Variants in CUBN observed in about 807,000 individuals in gnomAD.
CUBN encodes the protein 460 kDa receptor.
CUBN carries 282 observed loss-of-function variants against 405.3 expected under a neutral mutation model. The ratio of observed to expected loss-of-function variants is 0.70; its 90% CI spans 0.63 to 0.77. CUBN has a LOEUF of 0.77. CUBN is among the 30% of genes least tolerant of loss of function. The probability of loss-of-function intolerance (pLI) is 0.00; values close to 1 mark genes in which losing one functional copy is unlikely to be tolerated. For synonymous variants in CUBN, 1,684 were observed against 1,617.0 expected (o/e 1.04, Z -0.99); for missense variants, 4,514 against 4,475.2 (o/e 1.01, Z -0.25).
Position 16,907,679 on chromosome 10 carries a change from C to T in CUBN, c.7534G>A (p.Val2512Ile). The T allele has an allele frequency of 1.2e-6, 2 of 1,611,890 alleles. No individual in the cohort carries two copies. Among genetic ancestry groups the T allele is most frequent in the South Asian group, 1.1e-5 (1 of 90,980 alleles). ...HPSCNNEHVI[V>I]FNGIRSNSPQ... is the part of the protein sequence containing the mutation. ...GAGTTACTTCTAATGCCATTGAATACCTGTTGGAAAAAGAGTTTAACCTTC... is the reference window on the plus strand; with the variant it reads ...GAGTTACTTCTAATGCCATTGAATATCTGTTGGAAAAAGAGTTTAACCTTC... Residue 2512 changes from valine to isoleucine, a missense_variant and splice_region_variant, in exon 49 of 67, where the codon GTA becomes ATA. Val to Ile is a conservative substitution (Grantham distance 29). Coordinates refer to ENST00000377833, the MANE Select transcript of CUBN (RefSeq NM_001081.4).
At chr10:16,966,215 G>A (rs1048718965) in intron 31 of CUBN, among the ~76,000 whole-genome samples, 4 of 152,176 alleles carry the variant, frequency 2.6e-5, no homozygotes, top group African/African-American at 9.7e-5. Flanking sequence ...CATCTGTCCT[G>A]CATTCCATTC....
intron 14 of CUBN, among the ~76,000 whole-genome samples, chr10:17,094,580 A>G (rs952179251): frequency 3.5e-4 from 53 of 152,216 alleles, no homozygotes; most frequent in African/African-American, 1.2e-3. Context: ...TAAAATCAAC[A>G]TATAAAATTA....
rs943769237 is a variant in CUBN, at chr10:17,001,308, G to A, written c.4169-10793C>T. Among the ~76,000 whole-genome samples, 35 of 152,350 alleles carry A rather than the reference G, an allele frequency of 2.3e-4. 6 individuals carry two copies. The highest frequency in any genetic ancestry group is 1.4e-3 in the Admixed American group (22 of 15,302). On this transcript the variant is annotated intron_variant, in intron 28 of 66. Transcript: ENST00000377833. Reference sequence around the variant, plus strand: ...AGGGCAACCCCAGTGGATTGCCACTGGTGCGCAGGAGGCCAGCTTTTATTC... The same window carrying A: ...AGGGCAACCCCAGTGGATTGCCACTAGTGCGCAGGAGGCCAGCTTTTATTC...
chr10:16,995,900 T>C (rs1564468662), intron 28 of CUBN, among the ~76,000 whole-genome samples: 1 of 152,194 alleles, frequency 6.6e-6, no homozygotes, highest in African/African-American at 2.4e-5. Context: ...CAGGTAACAA[T>C]GATGTCAGGC....
chr10:17,044,788 C>G (rs1835087291), intron 25 of CUBN, among the ~76,000 whole-genome samples: 1 of 152,092 alleles, frequency 6.6e-6, no homozygotes, highest in African/African-American at 2.4e-5. Flanking sequence ...TCTTAATAGT[C>G]TATCAATATA....
At chr10:16,910,977 C>A (rs1841714611) in intron 48 of CUBN, among the ~76,000 whole-genome samples, 1 of 151,896 alleles carries the variant, frequency 6.6e-6, no homozygotes, top group African/African-American at 2.4e-5. Flanking sequence ...GCTCTCTAGC[C>A]CAGGAGAAGA....
chr10:16,981,113 G>T (rs1021072630), intron 31 of CUBN, among the ~76,000 whole-genome samples: 1 of 150,910 alleles, frequency 6.6e-6, no homozygotes, highest in African/African-American at 2.4e-5. Context: ...CCACCCAAAT[G>T]TTGCCTTTTG....
At position 16,828,743 on chromosome 10, in the gene CUBN, C is replaced by T. The variant is rs1838872748; in HGVS notation, c.10764+62G>A. The T allele has an allele frequency of 3.1e-6, 4 of 1,303,052 alleles. No individual in the cohort carries two copies. The African/African-American group carries it at 4.4e-5, about 14-fold the overall frequency. 80.7% of individuals were successfully genotyped at this position (1,303,052 alleles called of 1,614,324 possible). Reference sequence around the variant, plus strand: ...ATCTTAAAAAAAAAAAAAGTCTACACTAAGTGACTCATTATTGTCTAAAAA... The same window carrying T: ...ATCTTAAAAAAAAAAAAAGTCTACATTAAGTGACTCATTATTGTCTAAAAA... On this transcript the variant is annotated intron_variant, in intron 66 of 66. Transcript: ENST00000377833.
chr10:17,041,645 G>A (rs1835021736), intron 26 of CUBN, among the ~76,000 whole-genome samples: 1 of 151,934 alleles, frequency 6.6e-6, no homozygotes, highest in African/African-American at 2.4e-5. Context: ...GGAAGGGACA[G>A]AAATTCTGAC....
intron 46 of CUBN, 86 bp downstream of exon 46, chr10:16,915,735 C>T: frequency 1.7e-6 from 2 of 1,166,778 alleles, no homozygotes; most frequent in Non-Finnish European, 2.6e-6. Context: ...GTGCTTTTGC[C>T]TTTCTTGGAA....
intron 59 of CUBN, among the ~76,000 whole-genome samples, chr10:16,852,105 C>A (rs1839722501): frequency 8.0e-6 from 1 of 124,774 alleles, no homozygotes; most frequent in East Asian, 2.8e-4. Context: ...CTATCTTTCC[C>A]TCCCTCCCTC....
chr10:17,011,556 A>C (rs969739855), intron 28 of CUBN, among the ~76,000 whole-genome samples: 1 of 152,104 alleles, frequency 6.6e-6, no homozygotes, highest in African/African-American at 2.4e-5. Flanking sequence ...TATTGTGAAG[A>C]GTGAGAGAAC....
chr10:17,127,264 C>CT (rs34414528), intron 3 of CUBN, among the ~76,000 whole-genome samples: 45,053 of 82,680 alleles, frequency 0.54, 11,201 homozygotes, highest in Non-Finnish European at 0.65. Flanking sequence ...CTCTCTCTTT[C>CT]TTTTTTTTTT....
chr10:17,084,196 T>C (rs946367484), intron 17 of CUBN, 75 bp downstream of exon 17: 4 of 1,479,296 alleles, frequency 2.7e-6, no homozygotes, highest in South Asian at 2.3e-5. Flanking sequence ...CAACAATCTT[T>C]TGAAGACCAC....
chr10:16,824,023 G>A lies in CUBN; in HGVS notation c.*952C>T, dbSNP rs548805939. On this transcript the variant is annotated 3_prime_UTR_variant, in exon 67 of 67. Transcript: ENST00000377833. The stretch of plus-strand genomic sequence containing the variant: ...AATTGAACATTCACAGGAAATTTAT[G>A]CTTCTATATTATCATTAACTTTTGT... 2 of 152,250 alleles carry A rather than the reference G, an allele frequency of 1.3e-5. No homozygotes were observed. Among genetic ancestry groups the A allele is most frequent in the African/African-American group, 2.4e-5 (1 of 41,548 alleles). The allele number at this position is 152,250 out of a possible 1,614,324, so 9.4% of individuals were successfully genotyped here.
intron 59 of CUBN, among the ~76,000 whole-genome samples, chr10:16,862,156 T>A (rs1469272498): frequency 6.5e-5 from 6 of 92,790 alleles, no homozygotes; most frequent in African/African-American, 4.1e-4. Flanking sequence ...TCTCTCTCTC[T>A]CTCTCACACA....
chr10:16,862,027 T>TA (rs367981149), intron 59 of CUBN, among the ~76,000 whole-genome samples: 29 of 152,104 alleles, frequency 1.9e-4, no homozygotes, highest in African/African-American at 6.7e-4. Context: ...CATGCGCGGG[T>TA]AATCCCAGCT....
chr10:16,988,302 C>G (rs1285131071), intron 29 of CUBN, among the ~76,000 whole-genome samples: 3 of 152,190 alleles, frequency 2.0e-5, no homozygotes, highest in Non-Finnish European at 2.9e-5. Context: ...CAAGCAATAT[C>G]CTTGCAGGCG....
intron 61 of CUBN, 54 bp downstream of exon 61, chr10:16,840,831 G>A: frequency 1.4e-6 from 2 of 1,461,178 alleles, no homozygotes; most frequent in Non-Finnish European, 1.9e-6. Context: ...ATTCTTTTCA[G>A]TGCATAAATA....
Sources: gnomAD v4.1 joint callset for allele counts (sites outside exome capture counted in the v4.1 genomes callset) on GRCh38, gnomAD v4.1.1 for gene constraint, MANE v1.5 for transcripts, NCBI Gene and HGNC (gene_info 2026-07-23, HGNC 2026-07-21) for gene names.